TAOK3: variants seen among roughly 807,000 people sequenced by gnomAD.
TAOK3 encodes TAO kinase 3.
A neutral mutation model predicts 120.4 loss-of-function variants in TAOK3; 40 were observed. That is an observed-to-expected ratio of 0.33 (90% confidence interval 0.26 to 0.43). TAOK3 has a LOEUF of 0.43. TAOK3 is among the 20% of genes least tolerant of loss of function. TAOK3 has a pLI of 1.00. For missense variants in TAOK3, 821 were observed against 1,112.1 expected, an observed-to-expected ratio of 0.74 and a Z score of 3.72; for synonymous variants, 355 against 387.5, an observed-to-expected ratio of 0.92 and a Z score of 0.99.
intron 1 of TAOK3, among the ~76,000 whole-genome samples, chr12:118,349,128 G>A (rs537567835): frequency 6.6e-6 from 1 of 151,600 alleles, no homozygotes; most frequent in South Asian, 2.1e-4. Flanking sequence ...CTGACCTCAG[G>A]TGACCGCCCA....
chr12:118,361,278 C>G (rs17512652), intron 1 of TAOK3, among the ~76,000 whole-genome samples: 17,521 of 152,086 alleles, frequency 0.12, 1,273 homozygotes, highest in Middle Eastern at 0.19. Context: ...GTTTTAGCCA[C>G]AATGAGATAC....
At chr12:118,167,802 G>T (rs868629914) in intron 17 of TAOK3, among the ~76,000 whole-genome samples, 2 of 151,642 alleles carry the variant, frequency 1.3e-5, no homozygotes, top group Non-Finnish European at 2.9e-5. Context: ...GAACAGAAAC[G>T]ATACAAAGAC....
intron 16 of TAOK3, among the ~76,000 whole-genome samples, chr12:118,176,803 G>T (rs1328825308): frequency 1.3e-5 from 2 of 150,422 alleles, no homozygotes; most frequent in African/African-American, 4.9e-5. Context: ...TTTTGCTCTT[G>T]TCGCCCAGAC....
intron 1 of TAOK3, among the ~76,000 whole-genome samples, chr12:118,274,674 G>A (rs755870059): frequency 1.3e-5 from 2 of 152,120 alleles, no homozygotes; most frequent in Non-Finnish European, 2.9e-5. Context: ...TGTTGCCCAG[G>A]ATGGAGTACA....
At chr12:118,180,109 A>ACTTG in intron 15 of TAOK3, among the ~76,000 whole-genome samples, 1 of 148,162 alleles carries the variant, frequency 6.7e-6, no homozygotes, top group Non-Finnish European at 1.5e-5. Context: ...CACCACGCCC[A>ACTTG]GCTAATTTTT....
chr12:118,331,162 G>T (rs2044131335), intron 1 of TAOK3, among the ~76,000 whole-genome samples: 1 of 152,090 alleles, frequency 6.6e-6, no homozygotes, highest in African/African-American at 2.4e-5. Context: ...ATTTCCTCTA[G>T]AACAAGGTCT....
intron 1 of TAOK3, among the ~76,000 whole-genome samples, chr12:118,271,443 T>C (rs1002990997): frequency 4.6e-5 from 7 of 152,226 alleles, no homozygotes; most frequent in Non-Finnish European, 1.0e-4. Flanking sequence ...ATACAATATG[T>C]GGTCTTTCAT....
At chr12:118,311,690 T>C (rs1010941572) in intron 1 of TAOK3, among the ~76,000 whole-genome samples, 3 of 151,614 alleles carry the variant, frequency 2.0e-5, no homozygotes, top group African/African-American at 7.3e-5. Flanking sequence ...AACTAAGAAA[T>C]GGGAAAAAGA....
chr12:118,161,869 C>T lies in TAOK3; in HGVS notation c.2058G>A (p.Gln686=). The T allele has an allele frequency of 6.2e-7, 1 of 1,614,140 alleles. No individual in the cohort carries two copies. The highest frequency in any genetic ancestry group is 8.5e-7 in the Non-Finnish European group (1 of 1,180,034). Residue 686 remains glutamine (Q), a synonymous_variant, in exon 18 of 21, where the codon CAG becomes CAA. Coordinates refer to ENST00000392533, the MANE Select transcript of TAOK3 (RefSeq NM_016281.4). The surrounding 1 kb of genome is among the most constrained non-coding windows in gnomAD (Gnocchi z 4.5). ...TTTCTCGCCTCTTATTGTACTCCAG[C>T]TGGTTTTCCAGTTCCGTCTGGTGCT... ...RLQHQTELEN[Q]LEYNKRRERE... is the part of the protein sequence containing the mutation.
chr12:118,249,335 G>A (rs985563185), intron 3 of TAOK3, among the ~76,000 whole-genome samples: 1 of 152,126 alleles, frequency 6.6e-6, no homozygotes, highest in African/African-American at 2.4e-5. Context: ...GCCAACGTGG[G>A]TGGATCACCT....
chr12:118,307,089 C>T (rs1174544380), intron 1 of TAOK3, among the ~76,000 whole-genome samples: 2 of 152,094 alleles, frequency 1.3e-5, no homozygotes, highest in Non-Finnish European at 2.9e-5. Flanking sequence ...TAATGATTCT[C>T]ATTACTAAAC....
chr12:118,353,315 C>A (rs11068917), intron 1 of TAOK3, among the ~76,000 whole-genome samples: 31,118 of 151,822 alleles, frequency 0.2, 3,286 homozygotes, highest in African/African-American at 0.26. Context: ...GTAAAATCTG[C>A]GTAGGCAGCG....
intron 9 of TAOK3, among the ~76,000 whole-genome samples, chr12:118,222,000 A>C (rs914095231): frequency 2.2e-5 from 3 of 136,678 alleles, no homozygotes; most frequent in African/African-American, 8.8e-5. Flanking sequence ...AGCTACATTA[A>C]AAGAAAAAAC....
intron 15 of TAOK3, among the ~76,000 whole-genome samples, chr12:118,179,836 C>G (rs795480): frequency 0.7 from 105,335 of 150,570 alleles, 36,804 homozygotes; most frequent in South Asian, 0.73. Flanking sequence ...AGTAGAGATA[C>G]GGTTTCACCA....
chr12:118,321,075 G>GA (rs539457412), intron 1 of TAOK3, among the ~76,000 whole-genome samples: 17 of 152,158 alleles, frequency 1.1e-4, no homozygotes, highest in African/African-American at 4.1e-4. Flanking sequence ...AAAGATCATG[G>GA]AAAAAATCTA....
intron 1 of TAOK3, among the ~76,000 whole-genome samples, chr12:118,347,511 C>T (rs984814470): frequency 9.9e-5 from 15 of 152,154 alleles, no homozygotes; most frequent in Admixed American, 3.3e-4. Context: ...CTAGCTCCAG[C>T]CTCCTCATTT....
intron 9 of TAOK3, among the ~76,000 whole-genome samples, chr12:118,217,469 T>C (rs1175060706): frequency 6.6e-6 from 1 of 151,974 alleles, no homozygotes. Context: ...GCAGATCACC[T>C]GAGGTCAGGA....
intron 17 of TAOK3, 150 bp from the exon 18 acceptor site, chr12:118,162,177 T>A: frequency 9.6e-7 from 1 of 1,045,392 alleles, no homozygotes; most frequent in Non-Finnish European, 1.4e-6. Flanking sequence ...TTAATGAGAT[T>A]AAATTAACAA....
chr12:118,253,182 C>T (rs996158672), intron 3 of TAOK3, among the ~76,000 whole-genome samples: 1 of 152,086 alleles, frequency 6.6e-6, no homozygotes, highest in Non-Finnish European at 1.5e-5. Context: ...TAGAGAAAAT[C>T]CAGGCTGAAG....
Sources: gnomAD v4.1 joint callset for allele counts (sites outside exome capture counted in the v4.1 genomes callset) on GRCh38, gnomAD v4.1.1 for gene constraint, Gnocchi (gnomAD v3.1) non-coding constraint, MANE v1.5 for transcripts, NCBI Gene and HGNC (gene_info 2026-07-23, HGNC 2026-07-21) for gene names.